Variants in KIF17 observed in about 807,000 individuals in gnomAD.
KIF17 encodes the protein kinesin-like protein KIF17.
A neutral mutation model predicts 96.8 loss-of-function variants in KIF17; 80 were observed. That is an observed-to-expected ratio of 0.83 (90% CI 0.69 to 1.00). The LOEUF (loss-of-function observed/expected upper bound fraction) is 1.00. Among genes scored for constraint, KIF17 ranks in the 50% least tolerant of loss-of-function variants. The probability of loss-of-function intolerance (pLI) is 0.00; values close to 1 mark genes in which losing one functional copy is unlikely to be tolerated. For synonymous variants in KIF17, 567 were observed against 587.5 expected, an observed-to-expected ratio of 0.97 and a Z score of 0.51; for missense variants, 1,280 against 1,372.9, an observed-to-expected ratio of 0.93 and a Z score of 1.07.
chr1:20,671,533 C>T (rs541264701), intron 12 of KIF17, among the ~76,000 whole-genome samples: 2 of 151,946 alleles, frequency 1.3e-5, no homozygotes, highest in Non-Finnish European at 2.9e-5. Context: ...CAGGGTTTCA[C>T]CATGTTGGCC....
intron 12 of KIF17, among the ~76,000 whole-genome samples, chr1:20,670,838 G>T (rs759801641): frequency 2.6e-5 from 4 of 152,164 alleles, no homozygotes; most frequent in Non-Finnish European, 5.9e-5. Flanking sequence ...GTTGGACCTG[G>T]ATGAACACGC....
rs926233606 is a variant in KIF17, at chr1:20,713,449, C to T, written c.480+5G>A. The T allele has an allele frequency of 3.1e-6, 5 of 1,610,454 alleles. No homozygotes were observed. The East Asian group carries it at 1.1e-4, about 36-fold the overall frequency. On this transcript the variant is annotated splice_donor_5th_base_variant and intron_variant, in intron 3 of 14. Coordinates refer to ENST00000400463, the MANE Select transcript of KIF17 (RefSeq NM_001122819.3). The stretch of plus-strand genomic sequence containing the variant: ...CCCACCTGCCCACAATGGGTCTGCA[C>T]CCACCTCCAGCTTCTGCTTGGTGTC...
chr1:20,690,717 C>T (rs964137418), intron 6 of KIF17, among the ~76,000 whole-genome samples: 15 of 151,586 alleles, frequency 9.9e-5, no homozygotes, highest in Admixed American at 3.9e-4. Flanking sequence ...GACGGAGTCT[C>T]GCTCTGTCGC....
rs994701329 is a variant in KIF17 at position 20,672,811 on chromosome 1, G to A, written c.2464-615C>T. 1.8e-5 allele frequency: 3 copies of A among 167,084 alleles called. No homozygotes were observed. The highest frequency in any genetic ancestry group is 5.5e-5 in the Admixed American group (1 of 18,288). The allele number at this position is 167,084 out of a possible 1,614,324, so 10.4% of individuals were successfully genotyped here. A position where few individuals can be genotyped will look rare whatever the true frequency, so the allele number is the denominator to read the frequency against. On this transcript the variant is annotated intron_variant, in intron 11 of 14. Coordinates refer to ENST00000400463, the MANE Select transcript of KIF17 (RefSeq NM_001122819.3). This position sits in a 1 kb window ranked among gnomAD's most constrained non-coding sequence, Gnocchi z 4.3. ...CTCAAGTCTGCCAGACCGGTCCCCC[G>A]GTCCCTCCTGAGCACAGGTGACTGC... is the stretch of plus-strand genomic sequence containing the variant.
rs1256727113 is a variant in KIF17, at chr1:20,672,310, G to C, written c.2464-114C>G. On this transcript the variant is annotated intron_variant, in intron 11 of 14. Transcript: ENST00000400463. This position sits in a 1 kb window ranked among gnomAD's most constrained non-coding sequence, Gnocchi z 4.3. ...CCACGCATCGTCTGTTCATTGGCCT[G>C]ATCAGCCATCCATTCTCATCCCCAC... The C allele has an allele frequency of 1.5e-6, 2 of 1,353,302 alleles. No homozygotes were observed. The highest frequency in any genetic ancestry group is 2.5e-5 in the East Asian group (1 of 40,356). The allele number at this position is 1,353,302 out of a possible 1,614,324, so 83.8% of individuals were successfully genotyped here.
In KIF17 at chr1:20,704,949, A is replaced by G. The variant is rs1329725359; in HGVS notation, c.671-50T>C. 1.3e-6 allele frequency: 2 copies of G among 1,525,498 alleles called. No homozygotes were observed. Among genetic ancestry groups the G allele is most frequent in the South Asian group, 2.2e-5 (2 of 89,466 alleles). 94.5% of individuals were successfully genotyped at this position (1,525,498 alleles called of 1,614,324 possible). On this transcript the variant is annotated intron_variant, in intron 4 of 14. Coordinates refer to ENST00000400463, the MANE Select transcript of KIF17 (RefSeq NM_001122819.3). The surrounding 1 kb of genome is among the most constrained non-coding windows in gnomAD (Gnocchi z 6.8). Reference sequence around the variant, plus strand: ...CGAGGGCCTCGGGTGAGCCCTATGTATCGAGGGCAATCAGTGCCAGGCACT... The same window carrying G: ...CGAGGGCCTCGGGTGAGCCCTATGTGTCGAGGGCAATCAGTGCCAGGCACT...
chr1:20,717,167 A>G (rs2054591715), intron 1 of KIF17, among the ~76,000 whole-genome samples: 1 of 152,160 alleles, frequency 6.6e-6, no homozygotes, highest in African/African-American at 2.4e-5. Context: ...CATCTGTACT[A>G]AAAACACAAA....
At chr1:20,715,101 G>A (rs2054554049) in intron 2 of KIF17, among the ~76,000 whole-genome samples, 2 of 152,138 alleles carry the variant, frequency 1.3e-5, no homozygotes, top group African/African-American at 2.4e-5. Flanking sequence ...TCAAAAATGG[G>A]GTTATCAGCT....
chr1:20,670,514 G>C, intron 12 of KIF17, 26 bp from the exon 13 acceptor site: 1 of 1,612,476 alleles, frequency 6.2e-7, no homozygotes, highest in Non-Finnish European at 8.5e-7. Context: ...AAAAGCTGAA[G>C]TCACTGCTGC....
At chr1:20,712,041 G>A (rs898077660) in intron 3 of KIF17, among the ~76,000 whole-genome samples, 9 of 152,292 alleles carry the variant, frequency 5.9e-5, no homozygotes, top group Non-Finnish European at 1.0e-4. Flanking sequence ...TGTCACTGCA[G>A]CCCCCAAGGC....
chr1:20,672,461 C>A lies in KIF17; in HGVS notation c.2464-265G>T, dbSNP rs964387780. The stretch of plus-strand genomic sequence containing the variant: ...ATTTAAATGAGCACCTAATGTGTCC[C>A]CCCAGCCCTGCAAAATGTAGGGGAA... On this transcript the variant is annotated intron_variant, in intron 11 of 14. Transcript: ENST00000400463. The surrounding 1 kb of genome is among the most constrained non-coding windows in gnomAD (Gnocchi z 4.3). 1.3e-5 allele frequency among the ~76,000 whole-genome samples: 2 copies of A among 152,170 alleles called. No homozygotes were observed. The highest frequency in any genetic ancestry group is 4.8e-5 in the African/African-American group (2 of 41,442).
At chr1:20,716,114 G>A (rs949277786) in intron 1 of KIF17, among the ~76,000 whole-genome samples, 1 of 152,156 alleles carries the variant, frequency 6.6e-6, no homozygotes, top group Admixed American at 6.6e-5. Flanking sequence ...CGGGTGTGGT[G>A]GTGAGCTCCT....
At chr1:20,706,698 A>G (rs1281629224) in intron 4 of KIF17, among the ~76,000 whole-genome samples, 1 of 150,714 alleles carries the variant, frequency 6.6e-6, no homozygotes, top group African/African-American at 2.5e-5. Flanking sequence ...CCAGCCTGGA[A>G]AACATGGCAA....
intron 1 of KIF17, 193 bp downstream of exon 1, chr1:20,717,283 A>C (rs1570492792): frequency 4.9e-6 from 3 of 618,224 alleles, no homozygotes; most frequent in Non-Finnish European, 8.5e-6. Context: ...GATAGTGCAG[A>C]CCCGGAGGCG....
intron 6 of KIF17, among the ~76,000 whole-genome samples, chr1:20,695,227 G>T (rs557134542): frequency 1.3e-5 from 2 of 151,490 alleles, no homozygotes; most frequent in Admixed American, 1.3e-4. Flanking sequence ...TCACTCTGTC[G>T]CCCAGGCTGG....
chr1:20,691,610 C>T (rs2054040075), intron 6 of KIF17, among the ~76,000 whole-genome samples: 2 of 150,434 alleles, frequency 1.3e-5, no homozygotes, highest in South Asian at 4.2e-4. Flanking sequence ...AGTTGTCCAC[C>T]ACCACGTCTG....
At chr1:20,677,989 G>A (rs753672292) in intron 11 of KIF17, among the ~76,000 whole-genome samples, 3 of 152,238 alleles carry the variant, frequency 2.0e-5, no homozygotes, top group East Asian at 3.8e-4. Flanking sequence ...GAGATGGCAC[G>A]TGTGTTCTTG....
In KIF17 at chr1:20,712,664, TAATATAGATA is replaced by T. The variant is rs1427555554; in HGVS notation, c.480+780_480+789del. 1.8e-4 allele frequency among the ~76,000 whole-genome samples: 17 copies of T among 96,322 alleles called. 1 individual carries two copies. The highest frequency in any genetic ancestry group is 6.3e-4 in the African/African-American group (15 of 23,836). The allele number at this position is 96,322 out of a possible 152,430, so 63.2% of individuals were successfully genotyped here. A position where few individuals can be genotyped will look rare whatever the true frequency, so the allele number is the denominator to read the frequency against. On this transcript the variant is annotated intron_variant, in intron 3 of 14. Coordinates refer to ENST00000400463, the MANE Select transcript of KIF17 (RefSeq NM_001122819.3). The stretch of plus-strand genomic sequence containing the variant: ...TAATATAGATAATATTATCTATATA[TAATATAGATA>T]ATATTATCTATATATAATATAGATA...
At position 20,704,952 on chromosome 1, in the gene KIF17, G is replaced by A. The variant is rs1040801429; in HGVS notation, c.671-53C>T. ...GGGCCTCGGGTGAGCCCTATGTATC[G>A]AGGGCAATCAGTGCCAGGCACTGGG... is the stretch of plus-strand genomic sequence containing the variant. On this transcript the variant is annotated intron_variant, in intron 4 of 14. Coordinates refer to ENST00000400463, the MANE Select transcript of KIF17 (RefSeq NM_001122819.3). The surrounding 1 kb of genome is among the most constrained non-coding windows in gnomAD (Gnocchi z 6.8). The A allele has an allele frequency of 5.9e-6, 9 of 1,519,168 alleles. No homozygotes were observed. Among genetic ancestry groups the A allele is most frequent in the South Asian group, 1.1e-5 (1 of 89,320 alleles). 94.1% of individuals were successfully genotyped at this position (1,519,168 alleles called of 1,614,324 possible).
Sources: gnomAD v4.1 joint callset for allele counts (sites outside exome capture counted in the v4.1 genomes callset) on GRCh38, gnomAD v4.1.1 for gene constraint, Gnocchi (gnomAD v3.1) non-coding constraint, MANE v1.5 for transcripts, NCBI Gene and HGNC (gene_info 2026-07-23, HGNC 2026-07-21) for gene names.